Variants in TH observed in about 807,000 individuals in gnomAD.
The protein encoded by TH is tyrosine hydroxylase.
In TH, 49 loss-of-function variants were observed where a neutral mutation model predicts 57.4. The ratio of observed to expected loss-of-function variants is 0.85; its 90% CI spans 0.68 to 1.08. The LOEUF (loss-of-function observed/expected upper bound fraction) is 1.08. TH is among the 50% of genes least tolerant of loss of function. The pLI is 0.00. For synonymous variants in TH, 330 were observed against 304.5 expected, an observed-to-expected ratio of 1.08 and a Z score of -0.87; for missense variants, 720 against 696.7, an observed-to-expected ratio of 1.03 and a Z score of -0.38.
At chr11:2,169,490 A>G (rs1033492120) in intron 2 of TH, among the ~76,000 whole-genome samples, 160 bp downstream of exon 2, 2 of 152,088 alleles carry the variant, frequency 1.3e-5, no homozygotes, top group African/African-American at 4.8e-5. Flanking sequence ...GCTAGATGCC[A>G]TGGGGGCTGA....
Position 2,169,656 on chromosome 11 carries a change from C to T in TH, c.306G>A (p.Val102=). The T allele has an allele frequency of 1.2e-6, 2 of 1,613,612 alleles. No individual in the cohort carries two copies. Among genetic ancestry groups the T allele is most frequent in the Non-Finnish European group, 1.7e-6 (2 of 1,179,972 alleles). ...KPSALSRAVK[V]FETFEAKIHH... is the part of the protein sequence containing the mutation. ...ACGAAGGCCACCAGCTCACCTCAAA[C>T]ACCTTCACAGCTCGGGACAGCGCCG... Residue 102 remains valine, a synonymous_variant, in exon 2 of 13, where the codon GTG becomes GTA. Coordinates refer to ENST00000352909, the MANE Select transcript of TH (RefSeq NM_000360.4).
chr11:2,166,867 C>A lies in TH; in HGVS notation c.841+20G>T. ...CCATCCCCGGCCCCCCGGCTCTGCG[C>A]CCCTCCCGTCTGGGCACACCCTTCA... On this transcript the variant is annotated intron_variant, in intron 7 of 12. Transcript: ENST00000352909. 16 of 1,600,904 alleles carry A rather than the reference C, an allele frequency of 1.0e-5. No individual in the cohort carries two copies. Among genetic ancestry groups the A allele is most frequent in the Non-Finnish European group, 1.4e-5 (16 of 1,174,802 alleles).
chr11:2,168,062 G>A (rs1177842781), intron 4 of TH, 29 bp downstream of exon 4: 4 of 1,612,492 alleles, frequency 2.5e-6, no homozygotes, highest in Non-Finnish European at 3.4e-6. Flanking sequence ...TCAGGGGCAG[G>A]AGGCCTGAGT....
chr11:2,170,815 G>C lies in TH; in HGVS notation c.90+882C>G. On this transcript the variant is annotated intron_variant, in intron 1 of 12. Coordinates refer to ENST00000352909, the MANE Select transcript of TH (RefSeq NM_000360.4). The surrounding 1 kb of genome is among the most constrained non-coding windows in gnomAD (Gnocchi z 6.0). ...TGGGGAGCCTGGTGGGGGAGGGTAG[G>C]GGAGGGCGGGGGAGGACGGGGGAGG... The C allele has an allele frequency of 1.6e-6, 1 of 641,656 alleles. No individual in the cohort carries two copies. Among genetic ancestry groups the C allele is most frequent in the South Asian group, 1.9e-5 (1 of 53,452 alleles). The allele number at this position is 641,656 out of a possible 1,614,324, so 39.7% of individuals were successfully genotyped here. A position where few individuals can be genotyped will look rare whatever the true frequency, so the allele number is the denominator to read the frequency against.
intron 2 of TH, 103 bp downstream of exon 2, chr11:2,169,547 G>T (rs1846194965): frequency 1.7e-6 from 2 of 1,171,610 alleles, no homozygotes; most frequent in Admixed American, 1.8e-5. Context: ...GGCCTCGGGG[G>T]CCTGGGCAGC....
At chr11:2,165,033 G>A (rs1161004933) in intron 12 of TH, among the ~76,000 whole-genome samples, 199 bp downstream of exon 12, 1 of 152,206 alleles carries the variant, frequency 6.6e-6, no homozygotes, top group Non-Finnish European at 1.5e-5. Flanking sequence ...CCCCAGTCCT[G>A]TAGGTCTGCC....
intron 6 of TH, 90 bp from the exon 7 acceptor site, chr11:2,167,122 G>T: frequency 6.6e-7 from 1 of 1,521,150 alleles, no homozygotes. Context: ...GCCTGCCTGA[G>T]CCCCTACCAA....
chr11:2,168,829 G>T, intron 2 of TH, 164 bp from the exon 3 acceptor site: 1 of 910,152 alleles, frequency 1.1e-6, no homozygotes, highest in Non-Finnish European at 1.7e-6. Flanking sequence ...GCTCAGGTCA[G>T]CTGTCGGCCA....
intron 3 of TH, 55 bp downstream of exon 3, chr11:2,168,436 C>T (rs1283068557): frequency 5.0e-6 from 8 of 1,605,668 alleles, no homozygotes; most frequent in Admixed American, 1.7e-5. Context: ...GGAGCCCCTG[C>T]ACCCCAGCCT....
intron 9 of TH, 104 bp from the exon 10 acceptor site, chr11:2,166,162 C>G (rs1846083776): frequency 1.5e-6 from 2 of 1,348,206 alleles, no homozygotes; most frequent in Middle Eastern, 1.9e-4. Flanking sequence ...CTCTGGGACA[C>G]TTCCCTGGCG....
chr11:2,165,535 G>A, intron 11 of TH, 133 bp downstream of exon 11: 1 of 1,348,792 alleles, frequency 7.4e-7, no homozygotes, highest in Non-Finnish European at 1.0e-6. Flanking sequence ...GCAGAGACAA[G>A]CCTTCTCCCA....
chr11:2,164,391 T>C lies in TH; in HGVS notation c.1336A>G (p.Ser446Gly). ...SFSDAKDKLR[S>G]YASRIQRPFS... ...GGGCGCTGGATGCGTGAGGCATAGC[T>C]CCTGGGGAGGAGAGCGGCAGAGCCC... Residue 446 changes from serine (S) to glycine (G), a missense_variant and splice_region_variant, in exon 13 of 13, where the codon AGC (serine) becomes GGC (glycine). Coordinates refer to ENST00000352909, the MANE Select transcript of TH (RefSeq NM_000360.4). The C allele has an allele frequency of 1.3e-6, 2 of 1,547,860 alleles. No individual in the cohort carries two copies. Among genetic ancestry groups the C allele is most frequent in the Non-Finnish European group, 1.7e-6 (2 of 1,146,378 alleles).
intron 12 of TH, among the ~76,000 whole-genome samples, 179 bp from the exon 13 acceptor site, chr11:2,164,571 T>G (rs1319337411): frequency 6.6e-6 from 1 of 151,200 alleles, no homozygotes; most frequent in Non-Finnish European, 1.5e-5. Context: ...GGTGAGGGGG[T>G]TCATGGGGGA....
chr11:2,164,379 G>T lies in TH; in HGVS notation c.1348C>A (p.Arg450Ser), dbSNP rs375084700. 6.5e-7 allele frequency: 1 copy of T among 1,549,588 alleles called. No homozygotes were observed. The highest frequency in any genetic ancestry group is 1.9e-5 in the Admixed American group (1 of 52,320). The change falls in exon 13 of 13, where the codon CGC (arginine) becomes AGC (serine). Residue 450 changes from arginine to serine, a missense_variant. By Grantham distance (110) the Arg-to-Ser change is moderately radical. Coordinates refer to ENST00000352909, the MANE Select transcript of TH (RefSeq NM_000360.4). ...AKDKLRSYAS[R>S]IQRPFSVKFD... is the part of the protein sequence containing the mutation. The stretch of plus-strand genomic sequence containing the variant: ...TTCACGGAGAAGGGGCGCTGGATGC[G>T]TGAGGCATAGCTCCTGGGGAGGAGA...
At position 2,164,282 on chromosome 11, in the gene TH, A is replaced by G. The variant is rs1846018888; in HGVS notation, c.1445T>C (p.Val482Ala). The G allele has an allele frequency of 2.7e-6, 4 of 1,503,806 alleles. No individual in the cohort carries two copies. The highest frequency in any genetic ancestry group is 3.6e-6 in the Non-Finnish European group (4 of 1,123,402). 93.2% of individuals were successfully genotyped at this position (1,503,806 alleles called of 1,614,324 possible). ...PQAVRRSLEG[V>A]QDELDTLAHA... ...GGCAAGGGTGTCCAGCTCATCCTGG[A>G]CACCCTCCAGGGAGCGCCGCACGGC... Residue 482 changes from valine to alanine, a missense_variant, in exon 13 of 13, where the codon GTC (valine) becomes GCC (alanine). Val to Ala is a moderately conservative substitution (Grantham distance 64, BLOSUM62 0). Transcript: ENST00000352909.
At chr11:2,167,670 T>C (rs1590168568) in intron 5 of TH, 185 bp from the exon 6 acceptor site, 1 of 1,062,762 alleles carries the variant, frequency 9.4e-7, no homozygotes, top group South Asian at 1.5e-5. Flanking sequence ...CCTCGGCAGG[T>C]TGCTCTAGCC....
chr11:2,166,003 G>A lies in TH; in HGVS notation c.1103C>T (p.Thr368Met), dbSNP rs1057520384. 7.0e-6 allele frequency: 11 copies of A among 1,561,186 alleles called. No individual in the cohort carries two copies. The highest frequency in any genetic ancestry group is 4.7e-5 in the East Asian group (2 of 42,544). The change falls in exon 10 of 13, where the codon ACG becomes ATG. Residue 368 changes from threonine (T) to methionine (M), a missense_variant and splice_region_variant. By Grantham distance (81) the Thr-to-Met change is moderately conservative. Transcript: ENST00000352909. ...ASDEEIEKLSTLYWFTVEFGL... is the reference protein window; with the variant it reads ...ASDEEIEKLSMLYWFTVEFGL... ...CCCTGCAGGGAGGGGTCAACCCACCGTGGACAGCTTCTCAATTTCCTCATC... is the reference window on the plus strand; with the variant it reads ...CCCTGCAGGGAGGGGTCAACCCACCATGGACAGCTTCTCAATTTCCTCATC...
chr11:2,167,162 C>G (rs1365201162), intron 6 of TH, 130 bp from the exon 7 acceptor site: 2 of 1,359,726 alleles, frequency 1.5e-6, no homozygotes, highest in Non-Finnish European at 2.0e-6. Context: ...CCTGAAGACC[C>G]AGGCCCCCGG....
At chr11:2,164,542 G>A in intron 12 of TH, 150 bp from the exon 13 acceptor site, 2 of 900,192 alleles carry the variant, frequency 2.2e-6, no homozygotes, top group Non-Finnish European at 3.2e-6. Context: ...GCGGGACACT[G>A]AGGCCTCTTC....
Sources: gnomAD v4.1 joint callset for allele counts (sites outside exome capture counted in the v4.1 genomes callset) on GRCh38, gnomAD v4.1.1 for gene constraint, Gnocchi (gnomAD v3.1) non-coding constraint, MANE v1.5 for transcripts, NCBI Gene and HGNC (gene_info 2026-07-23, HGNC 2026-07-21) for gene names.